Variants in SPPL3 observed in about 807,000 individuals in gnomAD.
SPPL3 encodes the protein signal peptide peptidase like 3, also known as signal peptide peptidase-like 3.
Under a neutral mutation model 42.4 loss-of-function variants are expected in SPPL3, and 5 were observed. The observed-to-expected ratio is 0.12, with a 90% CI of 0.06 to 0.25. The LOEUF is 0.25. Among genes scored for constraint, SPPL3 ranks in the 10% least tolerant of loss-of-function variants. SPPL3 has a pLI of 1.00. For synonymous variants in SPPL3, 195 were observed against 181.8 expected (o/e 1.07, Z -0.58); for missense variants, 235 against 489.0 (o/e 0.48, Z 4.90).
intron 1 of SPPL3, among the ~76,000 whole-genome samples, chr12:120,819,352 G>A (rs1269322005): frequency 2.6e-5 from 4 of 152,100 alleles, no homozygotes; most frequent in Non-Finnish European, 5.9e-5. Flanking sequence ...GCTGAGTTAT[G>A]CCGCTCTTCC....
intron 1 of SPPL3, among the ~76,000 whole-genome samples, chr12:120,827,681 A>G (rs1315906918): frequency 1.3e-5 from 2 of 152,206 alleles, no homozygotes; most frequent in Admixed American, 6.5e-5. Flanking sequence ...CCCCAGCCTC[A>G]GCTGGGATCA....
chr12:120,885,177 G>A (rs985600427), intron 1 of SPPL3, among the ~76,000 whole-genome samples: 10 of 152,172 alleles, frequency 6.6e-5, no homozygotes, highest in African/African-American at 2.4e-4. Context: ...TTTCAAAAAT[G>A]AAGCTAATGA....
chr12:120,765,373 C>T (rs567059986), intron 10 of SPPL3, among the ~76,000 whole-genome samples: 22 of 152,096 alleles, frequency 1.4e-4, no homozygotes, highest in Non-Finnish European at 2.5e-4. Context: ...CTGCAACCTC[C>T]GACTCCTGGG....
chr12:120,866,966 C>A (rs571890866), intron 1 of SPPL3, among the ~76,000 whole-genome samples: 2 of 152,130 alleles, frequency 1.3e-5, no homozygotes, highest in Admixed American at 1.3e-4. Flanking sequence ...AAATAAGGAA[C>A]GTTTTTTAAA....
chr12:120,903,613 GC>G, intron 1 of SPPL3: 1 of 466,140 alleles, frequency 2.1e-6, no homozygotes, highest in Non-Finnish European at 3.8e-6. Context: ...GATGACATCC[GC>G]CGCTGCCTCC....
At chr12:120,821,910 ATCCT>A (rs1793265407) in intron 1 of SPPL3, among the ~76,000 whole-genome samples, 1 of 152,208 alleles carries the variant, frequency 6.6e-6, no homozygotes, top group Non-Finnish European at 1.5e-5. Flanking sequence ...AATATTATTC[ATCCT>A]TAAAAAAGAA....
intron 1 of SPPL3, among the ~76,000 whole-genome samples, chr12:120,898,540 C>T (rs550739582): frequency 2.0e-5 from 3 of 152,034 alleles, no homozygotes; most frequent in Admixed American, 1.3e-4. Flanking sequence ...AAAACCCATA[C>T]TTTTAAGCAG....
chr12:120,902,669 G>A (rs1279824712), intron 1 of SPPL3, among the ~76,000 whole-genome samples: 1 of 152,140 alleles, frequency 6.6e-6, no homozygotes, highest in South Asian at 2.1e-4. Flanking sequence ...CGGCATGCTC[G>A]TCCCATTCTA....
chr12:120,803,060 GT>G (rs1437143797), intron 2 of SPPL3, among the ~76,000 whole-genome samples: 2 of 152,162 alleles, frequency 1.3e-5, no homozygotes, highest in African/African-American at 4.8e-5. Context: ...ATAAAAGTCT[GT>G]CTGATCTTAA....
chr12:120,884,765 G>A (rs1489273656), intron 1 of SPPL3, among the ~76,000 whole-genome samples: 2 of 136,956 alleles, frequency 1.5e-5, no homozygotes, highest in Non-Finnish European at 3.1e-5. Flanking sequence ...GGCTGGAGAT[G>A]TTTCAAAATT....
chr12:120,890,205 C>T (rs764234162), intron 1 of SPPL3, among the ~76,000 whole-genome samples: 10 of 151,974 alleles, frequency 6.6e-5, no homozygotes, highest in African/African-American at 9.7e-5. Context: ...GCCGAGATTG[C>T]GCCATAGCAC....
At chr12:120,796,149 G>C (rs772866169) in intron 2 of SPPL3, among the ~76,000 whole-genome samples, 8 of 152,148 alleles carry the variant, frequency 5.3e-5, no homozygotes, top group Non-Finnish European at 1.0e-4. Context: ...GCTAAGGTGG[G>C]TGGATCACTT....
chr12:120,771,986 C>G (rs1869140495), intron 6 of SPPL3, among the ~76,000 whole-genome samples: 1 of 152,252 alleles, frequency 6.6e-6, no homozygotes, highest in Non-Finnish European at 1.5e-5. Context: ...AGTCCTTTCT[C>G]AGAGTCTTTC....
Position 120,805,713 on chromosome 12 carries a change from C to T in SPPL3, c.101+5096G>A, listed in dbSNP as rs144394411. ...CAAAAATTAATTGTAGTTCTATATA[C>T]TTAGCAATGAACAATCCAAAATGAA... On this transcript the variant is annotated intron_variant, in intron 2 of 10. Transcript: ENST00000353487. Among the ~76,000 whole-genome samples, 633 of 152,176 alleles carry T rather than the reference C, an allele frequency of 4.2e-3. 2 individuals carry two copies. Among genetic ancestry groups the T allele is most frequent in the Non-Finnish European group, 6.8e-3 (460 of 68,004 alleles).
chr12:120,873,723 T>C (rs1395744165), intron 1 of SPPL3, among the ~76,000 whole-genome samples: 1 of 151,850 alleles, frequency 6.6e-6, no homozygotes, highest in South Asian at 2.1e-4. Flanking sequence ...AATACAAAAA[T>C]TAGCTGGGTG....
intron 1 of SPPL3, among the ~76,000 whole-genome samples, chr12:120,897,576 A>G (rs922002955): frequency 1.1e-4 from 16 of 152,180 alleles, no homozygotes; most frequent in African/African-American, 3.9e-4. Context: ...ACAAAAAATT[A>G]GCTGGGCGTG....
intron 1 of SPPL3, among the ~76,000 whole-genome samples, chr12:120,832,114 A>G (rs1428507959): frequency 1.3e-5 from 2 of 152,194 alleles, no homozygotes; most frequent in African/African-American, 2.4e-5. Flanking sequence ...TGTGTGGGGT[A>G]CTGTGCTAAA....
At chr12:120,812,106 GA>G (rs11406013) in intron 1 of SPPL3, among the ~76,000 whole-genome samples, 66 of 140,670 alleles carry the variant, frequency 4.7e-4, no homozygotes, top group Middle Eastern at 3.7e-3. Context: ...CCATTTAGTG[GA>G]AAAAAAAAAA....
intron 3 of SPPL3, among the ~76,000 whole-genome samples, chr12:120,790,096 AAG>A (rs1869864630): frequency 6.6e-6 from 1 of 152,226 alleles, no homozygotes; most frequent in Non-Finnish European, 1.5e-5. Flanking sequence ...ATGTTGACAG[AAG>A]ATAAGCTGCT....
Sources: allele counts gnomAD v4.1 joint callset (sites outside exome capture counted in the v4.1 genomes callset), GRCh38; gene constraint gnomAD v4.1.1; transcripts MANE v1.5; gene names NCBI Gene and HGNC (gene_info 2026-07-23, HGNC 2026-07-21).